Variants in TPO observed in about 807,000 individuals in gnomAD.
TPO encodes thyroid peroxidase.
In TPO, 78 loss-of-function variants were observed where a neutral mutation model predicts 96.9. That is an observed-to-expected ratio of 0.81 (90% CI 0.67 to 0.97). The LOEUF (loss-of-function observed/expected upper bound fraction) is 0.97, where lower values mean the gene tolerates loss of function less well. Among genes scored for constraint, TPO ranks in the 50% least tolerant of loss-of-function variants. The pLI, the probability that TPO is intolerant of heterozygous loss-of-function variation, is 0.00. For synonymous variants in TPO, 547 were observed against 538.0 expected, an observed-to-expected ratio of 1.02 and a Z score of -0.23; for missense variants, 1,252 against 1,274.8, an observed-to-expected ratio of 0.98 and a Z score of 0.27.
chr2:1,512,397 C>A, intron 14 of TPO: 4 of 985,454 alleles, frequency 4.1e-6, no homozygotes, highest in Non-Finnish European at 4.8e-6. Flanking sequence ...CCAGATCCTG[C>A]CCCCGCCAAG....
chr2:1,427,899 T>C (rs1664588158), intron 3 of TPO, among the ~76,000 whole-genome samples: 1 of 152,230 alleles, frequency 6.6e-6, no homozygotes, highest in Non-Finnish European at 1.5e-5. Flanking sequence ...GTCTGTTTAC[T>C]GTTCACGGTG....
At chr2:1,471,429 A>G in intron 7 of TPO, among the ~76,000 whole-genome samples, 1 of 150,458 alleles carries the variant, frequency 6.6e-6, no homozygotes, top group East Asian at 2.0e-4. Context: ...AAGACTATGT[A>G]TTTTCCTGTG....
chr2:1,437,995 G>T (rs910002795), intron 5 of TPO, among the ~76,000 whole-genome samples: 18 of 152,134 alleles, frequency 1.2e-4, no homozygotes, highest in Admixed American at 1.1e-3. Context: ...GGGATGCACG[G>T]CTGGAGGGAC....
At chr2:1,510,108 T>C (rs941440522) in intron 14 of TPO, among the ~76,000 whole-genome samples, 6 of 152,212 alleles carry the variant, frequency 3.9e-5, no homozygotes, top group Admixed American at 1.3e-4. Context: ...CTCTCTTCCT[T>C]TCAAACCAGA....
In TPO at chr2:1,477,486, A is replaced by C. The variant is rs1246051102; in HGVS notation, c.1220A>C (p.His407Pro). ...GAGGTCCCCTCCCTGACGGCACTGC[A>C]CACGCTGTGGCTGCGCGAGCACAAC... ...ASEVPSLTALHTLWLREHNRL... is the reference protein window; with the variant it reads ...ASEVPSLTALPTLWLREHNRL... The change falls in exon 8 of 17, where the codon CAC becomes CCC. Residue 407 changes from histidine (H) to proline (P), a missense_variant. His to Pro is a moderately conservative substitution (Grantham distance 77). Coordinates refer to ENST00000329066, the MANE Select transcript of TPO (RefSeq NM_001206744.2). 3 of 1,530,906 alleles carry C rather than the reference A, an allele frequency of 2.0e-6. No homozygotes were observed. Among genetic ancestry groups the C allele is most frequent in the Admixed American group, 2.0e-5 (1 of 50,750 alleles). The allele number at this position is 1,530,906 out of a possible 1,614,324, so 94.8% of individuals were successfully genotyped here.
At chr2:1,438,901 G>A (rs1158704016) in intron 5 of TPO, 2 of 711,260 alleles carry the variant, frequency 2.8e-6, no homozygotes, top group African/African-American at 3.5e-5. Flanking sequence ...ACCAAATAAT[G>A]CGAAACTGAA....
At chr2:1,536,910 T>TTTGCAACC (rs375737331) in intron 15 of TPO, among the ~76,000 whole-genome samples, 1,542 of 115,176 alleles carry the variant, frequency 0.013, 34 homozygotes, top group African/African-American at 0.029. Context: ...ATCCCAACTG[T>TTTGCAACC]TTGCAACCTC....
At chr2:1,522,357 C>A (rs1285788061) in intron 15 of TPO, among the ~76,000 whole-genome samples, 1 of 93,514 alleles carries the variant, frequency 1.1e-5, no homozygotes, top group Non-Finnish European at 2.4e-5. Context: ...AGACTCTCTA[C>A]CCCACACCGG....
At chr2:1,522,976 C>T (rs1260826637) in intron 15 of TPO, among the ~76,000 whole-genome samples, 9 of 148,894 alleles carry the variant, frequency 6.0e-5, no homozygotes, top group Non-Finnish European at 1.3e-4. Context: ...TGTGCAACCT[C>T]CTCAGATCCC....
intron 9 of TPO, among the ~76,000 whole-genome samples, chr2:1,487,326 G>A (rs1482082583): frequency 6.6e-6 from 1 of 152,192 alleles, no homozygotes. Context: ...CACATTGTCA[G>A]TGCCAGCCCA....
intron 13 of TPO, 67 bp from the exon 14 acceptor site, chr2:1,503,881 G>A (rs921563699): frequency 1.2e-4 from 201 of 1,613,202 alleles, no homozygotes; most frequent in Non-Finnish European, 1.5e-4. Context: ...CCCAGAACGG[G>A]GGTCGCTCGC....
intron 1 of TPO, among the ~76,000 whole-genome samples, chr2:1,387,025 T>C (rs1473348897): frequency 6.6e-6 from 1 of 152,222 alleles, no homozygotes; most frequent in South Asian, 2.1e-4. Context: ...TCTTTAAGTA[T>C]GTTGAATATT....
chr2:1,398,018 C>T (rs1662110866), intron 1 of TPO, among the ~76,000 whole-genome samples: 1 of 152,246 alleles, frequency 6.6e-6, no homozygotes, highest in Non-Finnish European at 1.5e-5. Flanking sequence ...GCGTTCCGCA[C>T]ATTTTCAGGC....
chr2:1,505,506 CACCACCATCCT>C (rs1673345757), intron 14 of TPO, among the ~76,000 whole-genome samples: 3 of 135,482 alleles, frequency 2.2e-5, no homozygotes, highest in Non-Finnish European at 3.2e-5. Context: ...GGCACACCCC[CACCACCATCCT>C]GTGTCAAGCA....
At chr2:1,393,382 A>G (rs1340110364) in intron 1 of TPO, among the ~76,000 whole-genome samples, 1 of 152,196 alleles carries the variant, frequency 6.6e-6, no homozygotes, top group Admixed American at 6.5e-5. Context: ...TTGTAATTCA[A>G]CGTGAGGTTT....
Position 1,543,567 on chromosome 2 carries a change from G to C in TPO, c.*1093G>C, listed in dbSNP as rs1448011262. 2.0e-5 allele frequency: 3 copies of C among 152,126 alleles called. No homozygotes were observed. The highest frequency in any genetic ancestry group is 7.2e-5 in the African/African-American group (3 of 41,430). 9.4% of individuals were successfully genotyped at this position (152,126 alleles called of 1,614,324 possible). On this transcript the variant is annotated 3_prime_UTR_variant, in exon 17 of 17. Coordinates refer to ENST00000329066, the MANE Select transcript of TPO (RefSeq NM_001206744.2). The stretch of plus-strand genomic sequence containing the variant: ...TTTTGTGACCCAAAAATACCAGACT[G>C]TTGTTTTCCCTAGGTGCCAGGCCAT...
Position 1,516,864 on chromosome 2 carries a change from G to T in TPO, c.2519-19G>T. The T allele has an allele frequency of 6.2e-7, 1 of 1,612,748 alleles. No individual in the cohort carries two copies. The highest frequency in any genetic ancestry group is 1.1e-5 in the South Asian group (1 of 91,062). ...GGCCCTGGAAGGTTCTTCTAACCAG[G>T]CCTCTTTCTGTGCCCCAGACTCCGG... On this transcript the variant is annotated intron_variant, in intron 14 of 16. Transcript: ENST00000329066.
rs114507863 is a variant in TPO, at chr2:1,486,151, G to A, written c.1597+1297G>A. 7.4e-3 allele frequency among the ~76,000 whole-genome samples: 1,130 copies of A among 152,194 alleles called. 17 individuals are homozygous for A. The highest frequency in any genetic ancestry group is 0.025 in the African/African-American group (1,055 of 41,506). On this transcript the variant is annotated intron_variant, in intron 9 of 16. Coordinates refer to ENST00000329066, the MANE Select transcript of TPO (RefSeq NM_001206744.2). ...CTCATCGCAGCCGTGCAGACCTTCC[G>A]TATGGGCACACTTGCTGATCCTACA...
At chr2:1,474,268 AC>A (rs896522663) in intron 7 of TPO, among the ~76,000 whole-genome samples, 2 of 152,218 alleles carry the variant, frequency 1.3e-5, no homozygotes, top group African/African-American at 4.8e-5. Context: ...ATTTGCTGAC[AC>A]CCTGGAAAAT....
Sources: gnomAD v4.1 joint callset for allele counts (sites outside exome capture counted in the v4.1 genomes callset) on GRCh38, gnomAD v4.1.1 for gene constraint, MANE v1.5 for transcripts, NCBI Gene and HGNC (gene_info 2026-07-23, HGNC 2026-07-21) for gene names.